Variants in RSRP1 observed in about 807,000 individuals in gnomAD.
RSRP1 encodes the protein arginine/serine-rich protein 1.
In RSRP1, 37 loss-of-function variants were observed where a neutral mutation model predicts 33.0. That is an observed-to-expected ratio of 1.12 (90% CI 0.86 to 1.48). The LOEUF (loss-of-function observed/expected upper bound fraction) is 1.48. RSRP1 is among the 40% of genes most tolerant of loss of function. RSRP1 has a pLI of 0.00. For missense variants in RSRP1, 402 were observed against 385.3 expected (o/e 1.04, Z -0.36); for synonymous variants, 167 against 158.7 (o/e 1.05, Z -0.40).
At chr1:25,251,510 C>T (rs1224309977), upstream of RSRP1, among the ~76,000 whole-genome samples, 1 of 151,990 alleles carries the variant, frequency 6.6e-6, no homozygotes, top group African/African-American at 2.4e-5. Context: ...GCTGGGATTA[C>T]AGGCTTGTGC....
chr1:25,300,542 G>C lies in RSRP1; in HGVS notation c.-67+37436C>G, dbSNP rs1242970425. Among the ~76,000 whole-genome samples the C allele has an allele frequency of 2.2e-4, 28 of 128,844 alleles. 5 individuals are homozygous for C. Among genetic ancestry groups the C allele is most frequent in the African/African-American group, 6.1e-4 (23 of 37,400 alleles). The allele number at this position is 128,844 out of a possible 152,430, so 84.5% of individuals were successfully genotyped here. A position where few individuals can be genotyped will look rare whatever the true frequency, so the allele number is the denominator to read the frequency against. On this transcript the variant is annotated intron_variant, in intron 1 of 1. Coordinates refer to the RSRP1 transcript ENST00000561867. Reference sequence around the variant, plus strand: ...AAAAAAAAAAAGGCCAGGCGCAGTGGCTCATGCCTGTAATCCCAGCACTTT... The same window carrying C: ...AAAAAAAAAAAGGCCAGGCGCAGTGCCTCATGCCTGTAATCCCAGCACTTT...
intron 1 of RSRP1, chr1:25,290,755 A>C (rs1642429881): frequency 7.3e-7 from 1 of 1,377,146 alleles, no homozygotes; most frequent in African/African-American, 1.4e-5. Context: ...TGACAGCTTT[A>C]GGCAACCTGA....
chr1:25,309,488 C>G (rs896194618), intron 1 of RSRP1, among the ~76,000 whole-genome samples: 3 of 131,364 alleles, frequency 2.3e-5, no homozygotes, highest in African/African-American at 7.9e-5. Flanking sequence ...CCTCCCATTT[C>G]CCTTCTATTT....
Position 25,270,668 on chromosome 1 carries a change from C to A in RSRP1, c.-66-23639G>T, listed in dbSNP as rs191418871. 5.5e-3 allele frequency among the ~76,000 whole-genome samples: 732 copies of A among 132,022 alleles called. 96 individuals are homozygous for A. Among genetic ancestry groups the A allele is most frequent in the African/African-American group, 0.018 (684 of 38,678 alleles). The allele number at this position is 132,022 out of a possible 152,430, so 86.6% of individuals were successfully genotyped here. ...CAGTTAAGTGGTCAAACACCCAGGT[C>A]CTGAAGTTAGGCTGCCTGGGTTTAA... is the stretch of plus-strand genomic sequence containing the variant. On this transcript the variant is annotated intron_variant, in intron 1 of 1. Coordinates refer to the RSRP1 transcript ENST00000561867.
chr1:25,297,717 T>A (rs1643069907), intron 1 of RSRP1, among the ~76,000 whole-genome samples: 1 of 132,218 alleles, frequency 7.6e-6, no homozygotes, highest in Non-Finnish European at 1.8e-5. Flanking sequence ...CTGCTTAATA[T>A]AAGGATTAAT....
upstream of RSRP1, among the ~76,000 whole-genome samples, chr1:25,251,184 G>C (rs1303374819): frequency 6.6e-6 from 1 of 151,970 alleles, no homozygotes; most frequent in African/African-American, 2.4e-5. Flanking sequence ...CTAGTGTTGG[G>C]GATCTTCCCC....
rs1374776084 is a variant in RSRP1, at chr1:25,313,228, C to A, written c.-67+24750G>T. On this transcript the variant is annotated intron_variant, in intron 1 of 1. Coordinates refer to the RSRP1 transcript ENST00000561867. ...GCTCTTGCCCTCTTGCCATGTGATACCCTCTGCCATGTAATGGCAGGCACA... is the reference window on the plus strand; with the variant it reads ...GCTCTTGCCCTCTTGCCATGTGATAACCTCTGCCATGTAATGGCAGGCACA... Among the ~76,000 whole-genome samples, 3 of 131,062 alleles carry A rather than the reference C, an allele frequency of 2.3e-5. 1 individual carries two copies. Among genetic ancestry groups the A allele is most frequent in the Non-Finnish European group, 3.6e-5 (2 of 55,414 alleles). The allele number at this position is 131,062 out of a possible 152,430, so 86.0% of individuals were successfully genotyped here. A position where few individuals can be genotyped will look rare whatever the true frequency, so the allele number is the denominator to read the frequency against.
chr1:25,259,856 T>C (rs1252592836), intron 1 of RSRP1, among the ~76,000 whole-genome samples: 1 of 152,144 alleles, frequency 6.6e-6, no homozygotes, highest in African/African-American at 2.4e-5. Flanking sequence ...AACAGCTTTG[T>C]GAACGTGGCA....
chr1:25,278,483 G>C (rs1641205853), intron 1 of RSRP1, among the ~76,000 whole-genome samples: 2 of 131,604 alleles, frequency 1.5e-5, no homozygotes, highest in African/African-American at 5.2e-5. Flanking sequence ...GGGTTCAGCT[G>C]GGCAGTTCTT....
At chr1:25,303,141 G>A (rs1372670508) in intron 1 of RSRP1, among the ~76,000 whole-genome samples, 1 of 131,728 alleles carries the variant, frequency 7.6e-6, no homozygotes, top group Non-Finnish European at 1.8e-5. Flanking sequence ...GTAGTGAGCT[G>A]GCCCATCATG....
At chr1:25,289,342 G>A (rs1230842758) in intron 1 of RSRP1, among the ~76,000 whole-genome samples, 1 of 127,050 alleles carries the variant, frequency 7.9e-6, no homozygotes, top group African/African-American at 2.7e-5. Flanking sequence ...TTACAAGCAT[G>A]CACCACCATG....
rs113682543 is a variant in RSRP1, at chr1:25,268,923, A to G, written c.-66-21894T>C. On this transcript the variant is annotated intron_variant, in intron 1 of 1. Coordinates refer to the RSRP1 transcript ENST00000561867. Reference sequence around the variant, plus strand: ...AGATTGTGCCATTGCAGTCCAGCCTAGGCAACAAGAGCAAAACTTCATCTC... The same window carrying G: ...AGATTGTGCCATTGCAGTCCAGCCTGGGCAACAAGAGCAAAACTTCATCTC... Among the ~76,000 whole-genome samples, 1,163 of 120,546 alleles carry G rather than the reference A, an allele frequency of 9.6e-3. 142 individuals are homozygous for G. Among genetic ancestry groups the G allele is most frequent in the African/African-American group, 0.031 (1,111 of 36,070 alleles). 79.1% of individuals were successfully genotyped at this position (120,546 alleles called of 152,430 possible). A position where few individuals can be genotyped will look rare whatever the true frequency, so the allele number is the denominator to read the frequency against.
At chr1:25,306,588 G>A (rs1172915253) in intron 1 of RSRP1, 1 of 1,377,300 alleles carries the variant, frequency 7.3e-7, no homozygotes, top group South Asian at 1.2e-5. Context: ...AATAACACTT[G>A]TCCACAGGGG....
In RSRP1 at chr1:25,276,876, C is replaced by G. The variant is rs1264641836; in HGVS notation, c.-66-29847G>C. Among the ~76,000 whole-genome samples the G allele has an allele frequency of 1.5e-5, 2 of 131,626 alleles. 1 individual carries two copies. Among genetic ancestry groups the G allele is most frequent in the Non-Finnish European group, 3.6e-5 (2 of 55,686 alleles). 86.4% of individuals were successfully genotyped at this position (131,626 alleles called of 152,430 possible). A position where few individuals can be genotyped will look rare whatever the true frequency, so the allele number is the denominator to read the frequency against. Reference sequence around the variant, plus strand: ...GGTCTGGAGATGGAGACCATCCTGGCTAACACGATGAAACCCCATCTCTAC... The same window carrying G: ...GGTCTGGAGATGGAGACCATCCTGGGTAACACGATGAAACCCCATCTCTAC... On this transcript the variant is annotated intron_variant, in intron 1 of 1. Coordinates refer to the RSRP1 transcript ENST00000561867.
At chr1:25,270,323 C>T (rs1485619103) in intron 1 of RSRP1, among the ~76,000 whole-genome samples, 2 of 129,494 alleles carry the variant, frequency 1.5e-5, no homozygotes, top group African/African-American at 5.4e-5. Flanking sequence ...GGTCCCCAAC[C>T]CCCAGGCTGT....
intron 1 of RSRP1, among the ~76,000 whole-genome samples, chr1:25,332,140 G>A (rs147794411): frequency 8.1e-6 from 1 of 123,538 alleles, no homozygotes; most frequent in Admixed American, 8.0e-5. Flanking sequence ...ATGTTCAAGC[G>A]ATTCTCCCAC....
chr1:25,316,277 C>G (rs991731696), intron 1 of RSRP1, among the ~76,000 whole-genome samples: 2 of 129,472 alleles, frequency 1.5e-5, no homozygotes, highest in African/African-American at 5.3e-5. Context: ...CTACCCCACC[C>G]ACCTTGCCCC....
At chr1:25,310,991 A>C (rs1303042924) in intron 1 of RSRP1, among the ~76,000 whole-genome samples, 1 of 130,476 alleles carries the variant, frequency 7.7e-6, no homozygotes, top group Non-Finnish European at 1.8e-5. Context: ...AAAAAAAAGA[A>C]AGAAAAAGAA....
intron 1 of RSRP1, chr1:25,337,806 CTG>C: frequency 6.6e-6 from 1 of 151,692 alleles, no homozygotes; most frequent in East Asian, 1.9e-4. Context: ...CGCGCCGAGA[CTG>C]GGGTCCACGG....
Sources: gnomAD v4.1 joint callset for allele counts (sites outside exome capture counted in the v4.1 genomes callset) on GRCh38, gnomAD v4.1.1 for gene constraint, MANE v1.5 for transcripts, NCBI Gene and HGNC (gene_info 2026-07-23, HGNC 2026-07-21) for gene names.